Variants in ZNF625 observed in about 807,000 individuals in gnomAD.
ZNF625 encodes zinc finger protein 625.
In ZNF625, 8 loss-of-function variants were observed where a neutral mutation model predicts 11.1. That is an observed-to-expected ratio of 0.72 (90% CI 0.42 to 1.30). ZNF625 has a LOEUF of 1.30. Ranked by LOEUF, ZNF625 falls within the 50% of genes most tolerant of loss-of-function variation. The pLI is 0.01. For missense variants in ZNF625, 349 were observed against 447.6 expected (o/e 0.78, Z 1.99); for synonymous variants, 145 against 153.4 (o/e 0.95, Z 0.41).
At position 12,156,730 on chromosome 19, in the gene ZNF625, G is replaced by A. The variant is rs889454459; in HGVS notation, c.-172C>T. ...TGCAAGACGCCTGGGAGTCAGGAAA[G>A]CGGGAATGCGGCCTCCCCTTCCCCG... On this transcript the variant is annotated 5_prime_UTR_variant, in exon 1 of 4. Coordinates refer to ENST00000439556, the MANE Select transcript of ZNF625 (RefSeq NM_145233.4). 1.5e-4 allele frequency: 80 copies of A among 534,248 alleles called. No homozygotes were observed. Among genetic ancestry groups the A allele is most frequent in the Non-Finnish European group, 2.0e-4 (71 of 349,082 alleles). 33.1% of individuals were successfully genotyped at this position (534,248 alleles called of 1,614,324 possible).
intron 1 of ZNF625, among the ~76,000 whole-genome samples, chr19:12,153,959 C>T (rs974919671): frequency 2.2e-4 from 33 of 151,292 alleles, no homozygotes; most frequent in Non-Finnish European, 3.8e-4. Context: ...AGGCACCTGC[C>T]GCCATGTCCG....
chr19:12,150,894 C>T (rs1261019359), intron 1 of ZNF625, among the ~76,000 whole-genome samples: 1 of 152,124 alleles, frequency 6.6e-6, no homozygotes, highest in Non-Finnish European at 1.5e-5. Flanking sequence ...TACACCATTA[C>T]CCAGACAGTG....
chr19:12,156,137 T>C (rs1055785409), intron 1 of ZNF625, among the ~76,000 whole-genome samples: 2 of 152,186 alleles, frequency 1.3e-5, no homozygotes, highest in African/African-American at 4.8e-5. Flanking sequence ...CCACTGCGCC[T>C]GGCCTTCAAT....
Position 12,146,129 on chromosome 19 carries a change from G to A in ZNF625, c.287C>T (p.Thr96Ile). 1.2e-6 allele frequency: 2 copies of A among 1,614,182 alleles called. No individual in the cohort carries two copies. The highest frequency in any genetic ancestry group is 1.3e-5 in the African/African-American group (1 of 75,052). ...QVPDDMLKKK[T>I]PRVKSCGEVS... is the part of the protein sequence containing the mutation. ...TTCTCCACATGATTTTACTCGGGGA[G>A]TTTTCTTCTTCAGCATGTCATCTGG... Residue 96 changes from threonine (T) to isoleucine (I), a missense_variant, in exon 4 of 4, where the codon ACT (threonine) becomes ATT (isoleucine). By Grantham distance (89) the Thr-to-Ile change is moderately conservative. Transcript: ENST00000439556.
chr19:12,156,590 C>A lies in ZNF625; in HGVS notation c.-32G>T. On this transcript the variant is annotated 5_prime_UTR_variant, in exon 1 of 4. Transcript: ENST00000439556. Reference sequence around the variant, plus strand: ...GCTTCCAGGTGTCCTGGCCTCCTCTCCACGGATCCCTCTAACAGTCCAGTC... The same window carrying A: ...GCTTCCAGGTGTCCTGGCCTCCTCTACACGGATCCCTCTAACAGTCCAGTC... The A allele has an allele frequency of 7.3e-7, 1 of 1,362,360 alleles. No individual in the cohort carries two copies. Among genetic ancestry groups the A allele is most frequent in the Non-Finnish European group, 9.5e-7 (1 of 1,056,300 alleles). 84.4% of individuals were successfully genotyped at this position (1,362,360 alleles called of 1,614,324 possible). A position where few individuals can be genotyped will look rare whatever the true frequency, so the allele number is the denominator to read the frequency against.
At chr19:12,150,612 A>G (rs1024818052) in intron 1 of ZNF625, among the ~76,000 whole-genome samples, 4 of 152,204 alleles carry the variant, frequency 2.6e-5, no homozygotes, top group African/African-American at 9.6e-5. Flanking sequence ...CTCATGACCC[A>G]CATCACAACT....
intron 2 of ZNF625, 110 bp downstream of exon 2, chr19:12,147,566 T>C: frequency 6.4e-7 from 1 of 1,556,978 alleles, no homozygotes; most frequent in South Asian, 1.1e-5. Context: ...CACATTCCTA[T>C]TCCCTGTCCT....
chr19:12,154,836 A>G (rs1977005118), intron 1 of ZNF625, among the ~76,000 whole-genome samples: 1 of 152,170 alleles, frequency 6.6e-6, no homozygotes. Context: ...TCCCAGTTAC[A>G]TTAGTAAGGG....
At chr19:12,150,612 A>C (rs1024818052) in intron 1 of ZNF625, among the ~76,000 whole-genome samples, 1 of 152,204 alleles carries the variant, frequency 6.6e-6, no homozygotes, top group African/African-American at 2.4e-5. Context: ...CTCATGACCC[A>C]CATCACAACT....
rs1599445650 is a variant in ZNF625 at position 12,156,696 on chromosome 19, T to C, written c.-138A>G. On this transcript the variant is annotated 5_prime_UTR_variant, in exon 1 of 4. Coordinates refer to ENST00000439556, the MANE Select transcript of ZNF625 (RefSeq NM_145233.4). ...GGGCCGGAAAACCGAGATCCCGACC[T>C]CCCTTTGGTGCAAGACGCCTGGGAG... 1.2e-6 allele frequency: 1 copy of C among 821,770 alleles called. No homozygotes were observed. Among genetic ancestry groups the C allele is most frequent in the East Asian group, 3.3e-5 (1 of 29,854 alleles). 50.9% of individuals were successfully genotyped at this position (821,770 alleles called of 1,614,324 possible).
chr19:12,153,214 G>A lies in ZNF625; in HGVS notation c.3+3342C>T, dbSNP rs576184299. Among the ~76,000 whole-genome samples the A allele has an allele frequency of 7.2e-5, 11 of 152,036 alleles. No individual in the cohort carries two copies. In the East Asian group the frequency reaches 1.2e-3, roughly 16 times the overall value. On this transcript the variant is annotated intron_variant, in intron 1 of 3. Transcript: ENST00000439556. ...AAAAATACAAAAATTAGCCAGGTGC[G>A]GTGGCAGGAGCCTGTAATCCCAGCT...
chr19:12,148,144 T>A (rs1204823790), intron 1 of ZNF625, among the ~76,000 whole-genome samples: 1 of 152,068 alleles, frequency 6.6e-6, no homozygotes, highest in African/African-American at 2.4e-5. Flanking sequence ...CACGCACAAC[T>A]AATTTTTGTA....
chr19:12,151,419 C>T (rs183300603), intron 1 of ZNF625, among the ~76,000 whole-genome samples: 47 of 142,930 alleles, frequency 3.3e-4, no homozygotes, highest in African/African-American at 1.3e-3. Flanking sequence ...CTCGCTCTGT[C>T]GCCCAGGCTG....
chr19:12,151,239 TCTCA>T (rs200425022), intron 1 of ZNF625, among the ~76,000 whole-genome samples: 4,684 of 147,530 alleles, frequency 0.032, 98 homozygotes, highest in Non-Finnish European at 0.044. Context: ...TGAGACAGAG[TCTCA>T]CTCTGTCATC....
In ZNF625 at chr19:12,145,381, G is replaced by A. The variant is rs763655227; in HGVS notation, c.1035C>T (p.Ser345=). Residue 345 remains serine, a synonymous_variant, in exon 4 of 4, where the codon AGC becomes AGT. Coordinates refer to ENST00000439556, the MANE Select transcript of ZNF625 (RefSeq NM_145233.4). ...QCGKAFGCAS[S]VKIHERTHTG... ...TGTGAGTCCTTTCATGGATTTTAAC[G>A]CTCGAGGCACATCCAAAGGCTTTAC... The A allele has an allele frequency of 8.1e-6, 13 of 1,613,932 alleles. No individual in the cohort carries two copies. Among genetic ancestry groups the A allele is most frequent in the South Asian group, 4.4e-5 (4 of 91,084 alleles).
chr19:12,156,488 A>G (rs1977028996), intron 1 of ZNF625, 68 bp downstream of exon 1: 1 of 1,342,888 alleles, frequency 7.4e-7, no homozygotes, highest in Non-Finnish European at 9.7e-7. Context: ...GGGTCCTGCT[A>G]GAGCCGGTTC....
In ZNF625 at chr19:12,146,128, A is replaced by G; in HGVS notation, c.288T>C (p.Thr96=). ...CTTCTCCACATGATTTTACTCGGGG[A>G]GTTTTCTTCTTCAGCATGTCATCTG... ...QVPDDMLKKK[T]PRVKSCGEVS... is the part of the protein sequence containing the mutation. The change falls in exon 4 of 4, where the codon ACT becomes ACC. Residue 96 remains threonine (T), a synonymous_variant. Transcript: ENST00000439556. 2.5e-6 allele frequency: 4 copies of G among 1,613,978 alleles called. No homozygotes were observed. The highest frequency in any genetic ancestry group is 3.4e-6 in the Non-Finnish European group (4 of 1,180,004).
chr19:12,151,755 TC>T (rs1351581216), intron 1 of ZNF625, among the ~76,000 whole-genome samples: 1 of 152,038 alleles, frequency 6.6e-6, no homozygotes, highest in East Asian at 1.9e-4. Flanking sequence ...GCTCAAGAGA[TC>T]CCCTTACCTC....
intron 1 of ZNF625, among the ~76,000 whole-genome samples, chr19:12,151,740 C>T (rs1478559431): frequency 2.0e-5 from 3 of 152,056 alleles, no homozygotes; most frequent in Middle Eastern, 3.4e-3. Flanking sequence ...GTCTTAAACT[C>T]CTAGGCTCAA....
Sources: gnomAD v4.1 joint callset for allele counts (sites outside exome capture counted in the v4.1 genomes callset) on GRCh38, gnomAD v4.1.1 for gene constraint, MANE v1.5 for transcripts, NCBI Gene and HGNC (gene_info 2026-07-23, HGNC 2026-07-21) for gene names.